TSHZ2: variants seen among roughly 807,000 people sequenced by gnomAD.
TSHZ2 encodes the protein teashirt zinc finger homeobox 2, also known as teashirt homolog 2.
In TSHZ2, 21 loss-of-function variants were observed where a neutral mutation model predicts 74.4. The ratio of observed to expected loss-of-function variants is 0.28; its 90% CI spans 0.20 to 0.41. The LOEUF (loss-of-function observed/expected upper bound fraction) is 0.41. TSHZ2 is among the 10% of genes least tolerant of loss of function. TSHZ2 has a pLI of 1.00. For missense variants in TSHZ2, 1,244 were observed against 1,293.5 expected, an observed-to-expected ratio of 0.96 and a Z score of 0.59; for synonymous variants, 540 against 515.3, an observed-to-expected ratio of 1.05 and a Z score of -0.65.
chr20:53,362,429 C>T (rs978221420), intron 2 of TSHZ2, among the ~76,000 whole-genome samples: 2 of 151,934 alleles, frequency 1.3e-5, no homozygotes, highest in Non-Finnish European at 2.9e-5. Context: ...CCTGATCTGC[C>T]CACCTCGGCC....
chr20:53,109,369 T>C (rs1206010345), intron 1 of TSHZ2, among the ~76,000 whole-genome samples: 2 of 152,216 alleles, frequency 1.3e-5, no homozygotes, highest in East Asian at 3.9e-4. Flanking sequence ...CGCCTGTCTC[T>C]AGACCTATGC....
intron 2 of TSHZ2, among the ~76,000 whole-genome samples, chr20:53,392,864 T>G (rs1292385456): frequency 1.3e-5 from 2 of 152,156 alleles, no homozygotes; most frequent in East Asian, 3.9e-4. Flanking sequence ...AGACAGAGTT[T>G]TGCTCTGTCA....
At chr20:53,184,953 C>T (rs1305022631) in intron 1 of TSHZ2, among the ~76,000 whole-genome samples, 2 of 152,186 alleles carry the variant, frequency 1.3e-5, no homozygotes, top group African/African-American at 4.8e-5. Flanking sequence ...AAGTGATCTG[C>T]CCGCATTGGC....
intron 2 of TSHZ2, among the ~76,000 whole-genome samples, chr20:53,279,937 G>A (rs1202374148): frequency 6.6e-6 from 1 of 152,232 alleles, no homozygotes; most frequent in Non-Finnish European, 1.5e-5. Flanking sequence ...AGGCAAGTAG[G>A]AGCTGGGCTC....
At chr20:53,176,706 T>TA (rs1346215486) in intron 1 of TSHZ2, among the ~76,000 whole-genome samples, 1,642 of 150,536 alleles carry the variant, frequency 0.011, 32 homozygotes, top group African/African-American at 0.038. Context: ...TTTTTTTTTT[T>TA]AGACGAAGTC....
intron 1 of TSHZ2, among the ~76,000 whole-genome samples, chr20:52,995,570 G>A (rs1982152006): frequency 1.3e-5 from 2 of 151,752 alleles, no homozygotes; most frequent in South Asian, 2.1e-4. Flanking sequence ...TTGAACTCAG[G>A]CAAACTGAGG....
At chr20:53,041,675 C>T (rs79197222) in intron 1 of TSHZ2, among the ~76,000 whole-genome samples, 1,546 of 152,338 alleles carry the variant, frequency 0.01, 27 homozygotes, top group African/African-American at 0.034. Context: ...TTATCCCACA[C>T]TGCAGATGAA....
In TSHZ2 at chr20:53,256,268, C is replaced by A. The variant is rs1240972211; in HGVS notation, c.2810C>A (p.Thr937Asn). 1.2e-6 allele frequency: 2 copies of A among 1,614,012 alleles called. No homozygotes were observed. The highest frequency in any genetic ancestry group is 8.5e-7 in the Non-Finnish European group (1 of 1,180,000). The change falls in exon 2 of 3, where the codon ACC (threonine) becomes AAC (asparagine). Residue 937 changes from threonine to asparagine, a missense_variant. By Grantham distance (65) the Thr-to-Asn change is moderately conservative. This residue lies in a region of TSHZ2 where 185 missense variants were observed against 213.3 expected (regional missense o/e 0.87). Coordinates refer to ENST00000371497, the MANE Select transcript of TSHZ2 (RefSeq NM_173485.6). This position sits in a 1 kb window ranked among gnomAD's most constrained non-coding sequence, Gnocchi z 4.3. Reference sequence around the variant, plus strand: ...AGTGACTGTGCCTCCCAGTTCAGAACCCCTTCTACCTACATCAGTCACTTA... The same window carrying A: ...AGTGACTGTGCCTCCCAGTTCAGAAACCCTTCTACCTACATCAGTCACTTA... ...YCSDCASQFR[T>N]PSTYISHLES...
rs1568835550 is a variant in TSHZ2, at chr20:53,253,538, TAAAAG to T, written c.83_87del (p.Lys28ArgfsTer18). On this transcript the variant is annotated frameshift_variant, in exon 2 of 3. Coordinates refer to ENST00000371497, the MANE Select transcript of TSHZ2 (RefSeq NM_173485.6). LOFTEE classifies it high-confidence loss of function. ...GAACAGCTGAAAGAAGAGGAGGAAATAAAAGAAGAGGAGGAGGAGGAGGACAGCGG... is the reference window on the plus strand; with the variant it reads ...GAACAGCTGAAAGAAGAGGAGGAAATAAGAGGAGGAGGAGGAGGACAGCGG... 1.9e-6 allele frequency: 3 copies of T among 1,612,180 alleles called. No homozygotes were observed. Among genetic ancestry groups the T allele is most frequent in the Admixed American group, 3.3e-5 (2 of 59,846 alleles).
chr20:53,353,727 G>C (rs535027531), intron 2 of TSHZ2, among the ~76,000 whole-genome samples: 1 of 152,270 alleles, frequency 6.6e-6, no homozygotes, highest in South Asian at 2.1e-4. Flanking sequence ...CATATTTTAA[G>C]ACTTTTCTGA....
rs775598547 is a variant in TSHZ2 at position 53,254,217 on chromosome 20, G to A, written c.759G>A (p.Thr253=). Residue 253 remains threonine, a synonymous_variant, in exon 2 of 3, where the codon ACG becomes ACA. Transcript: ENST00000371497. ...GCAAAAAGGACAAGCTCAGACCCACGAGCTATTCAAAGCCCAGGAAAAGGG... is the reference window on the plus strand; with the variant it reads ...GCAAAAAGGACAAGCTCAGACCCACAAGCTATTCAAAGCCCAGGAAAAGGG... ...DNRKKDKLRP[T]SYSKPRKRAF... The A allele has an allele frequency of 1.7e-5, 27 of 1,613,972 alleles. No individual in the cohort carries two copies. The highest frequency in any genetic ancestry group is 2.7e-5 in the African/African-American group (2 of 74,890).
Position 53,151,828 on chromosome 20 carries a change from C to T in TSHZ2, c.41-101671C>T, listed in dbSNP as rs544310265. ...TGGTCATAATTGATACATATGGATA[C>T]CATTGGTGATTATTCTTTAGCATAA... On this transcript the variant is annotated intron_variant, in intron 1 of 2. Transcript: ENST00000371497. Among the ~76,000 whole-genome samples the T allele has an allele frequency of 9.9e-5, 15 of 152,054 alleles. No homozygotes were observed. The East Asian group carries it at 2.5e-3, about 25-fold the overall frequency.
intron 2 of TSHZ2, among the ~76,000 whole-genome samples, chr20:53,326,945 T>C (rs543964087): frequency 6.6e-6 from 1 of 152,300 alleles, no homozygotes; most frequent in East Asian, 1.9e-4. Flanking sequence ...AGTTCAGATG[T>C]CCCTGGAAAG....
chr20:53,449,167 T>A (rs983567544), intron 2 of TSHZ2, among the ~76,000 whole-genome samples: 1 of 152,164 alleles, frequency 6.6e-6, no homozygotes, highest in Non-Finnish European at 1.5e-5. Flanking sequence ...GTAACCACTC[T>A]TAACCCCTGG....
At chr20:53,434,205 C>G (rs1983955505) in intron 2 of TSHZ2, among the ~76,000 whole-genome samples, 2 of 152,204 alleles carry the variant, frequency 1.3e-5, no homozygotes, top group African/African-American at 4.8e-5. Flanking sequence ...ATCATCATTA[C>G]TGCTACTACC....
At chr20:53,262,065 CA>C (rs1990612677) in intron 2 of TSHZ2, among the ~76,000 whole-genome samples, 1 of 151,918 alleles carries the variant, frequency 6.6e-6, no homozygotes. Context: ...AAAGATCTCT[CA>C]AAAATGGCTT....
At chr20:53,001,205 C>CGCGTGTGTGT (rs1294899767) in intron 1 of TSHZ2, among the ~76,000 whole-genome samples, 1 of 94,192 alleles carries the variant, frequency 1.1e-5, no homozygotes, top group South Asian at 3.5e-4. Context: ...CGTTCATGTG[C>CGCGTGTGTGT]GTGTGTGTGT....
chr20:53,277,657 T>C (rs1250929908), intron 2 of TSHZ2, among the ~76,000 whole-genome samples: 3 of 152,324 alleles, frequency 2.0e-5, no homozygotes, highest in South Asian at 2.1e-4. Flanking sequence ...CCTATCAGTT[T>C]AGATGCACCA....
chr20:53,457,873 C>G (rs752049758), intron 2 of TSHZ2, among the ~76,000 whole-genome samples: 29 of 150,592 alleles, frequency 1.9e-4, no homozygotes, highest in Non-Finnish European at 3.4e-4. Context: ...ATTGATTTGC[C>G]TATATTGAAC....
Sources: allele counts gnomAD v4.1 joint callset (sites outside exome capture counted in the v4.1 genomes callset), GRCh38; gene constraint gnomAD v4.1.1; regional missense constraint gnomAD v4.1.1; non-coding constraint Gnocchi (gnomAD v3.1); transcripts MANE v1.5; gene names NCBI Gene and HGNC (gene_info 2026-07-23, HGNC 2026-07-21).